The following TMEM19 variants were observed in gnomAD, a reference collection of about 807,000 sequenced individuals.
TMEM19 encodes transmembrane protein 19.
In TMEM19, 21 loss-of-function variants were observed where a neutral mutation model predicts 33.6. That is an observed-to-expected ratio of 0.62 (90% confidence interval 0.44 to 0.90). The LOEUF is 0.90. TMEM19 is among the 40% of genes least tolerant of loss of function. TMEM19 has a pLI of 0.00. For synonymous variants in TMEM19, 149 were observed against 147.5 expected, an observed-to-expected ratio of 1.01 and a Z score of -0.07; for missense variants, 402 against 401.8, an observed-to-expected ratio of 1.00 and a Z score of 0.00.
At position 71,697,449 on chromosome 12, in the gene TMEM19, T is replaced by A. The variant is rs747544161; in HGVS notation, c.552T>A (p.Ala184=). ...TCTTGGCTGCACTGGCCTGCTCTGC[T>A]GGAGACACATGGGCTTCAGAAGTTG... is the stretch of plus-strand genomic sequence containing the variant. ...LSLLAALACS[A]GDTWASEVGP... The change falls in exon 4 of 6, where the codon GCT becomes GCA. Residue 184 remains alanine (A), a synonymous_variant. Transcript: ENST00000266673. 2 of 1,609,596 alleles carry A rather than the reference T, an allele frequency of 1.2e-6. No homozygotes were observed. The highest frequency in any genetic ancestry group is 2.2e-5 in the South Asian group (2 of 90,098).
At position 71,704,516 on chromosome 12, in the gene TMEM19, C is replaced by T. The variant is rs545025060; in HGVS notation, c.*3521C>T. 1.3e-5 allele frequency: 2 copies of T among 152,362 alleles called. No individual in the cohort carries two copies. Among genetic ancestry groups the T allele is most frequent in the South Asian group, 4.1e-4 (2 of 4,826 alleles). 9.4% of individuals were successfully genotyped at this position (152,362 alleles called of 1,614,324 possible). On this transcript the variant is annotated 3_prime_UTR_variant, in exon 6 of 6. Coordinates refer to ENST00000266673, the MANE Select transcript of TMEM19 (RefSeq NM_018279.4). Reference sequence around the variant, plus strand: ...AATGAGAATGATCTATACTAGCCACCAGATCTCAGGTGAATTGTGGTGTGC... The same window carrying T: ...AATGAGAATGATCTATACTAGCCACTAGATCTCAGGTGAATTGTGGTGTGC...
At position 71,696,476 on chromosome 12, in the gene TMEM19, CT is replaced by C; in HGVS notation, c.291del (p.Phe97LeufsTer5). On this transcript the variant is annotated frameshift_variant, in exon 3 of 6. Coordinates refer to ENST00000266673, the MANE Select transcript of TMEM19 (RefSeq NM_018279.4). LOFTEE classifies it high-confidence loss of function. ...GFILTIANFS[F>X]FTSLLMFFLS... ...TTATCCTAACCATTGCAAATTTCAGCTTTTTTACCTCTTTGCTGATGTTTTT... is the reference window on the plus strand; with the variant it reads ...TTATCCTAACCATTGCAAATTTCAGCTTTTTACCTCTTTGCTGATGTTTTT... 1 of 1,612,474 alleles carries C rather than the reference CT, an allele frequency of 6.2e-7. No homozygotes were observed. Among genetic ancestry groups the C allele is most frequent in the Non-Finnish European group, 8.5e-7 (1 of 1,179,190 alleles).
At chr12:71,690,157 T>C (rs372443131) in intron 2 of TMEM19, among the ~76,000 whole-genome samples, 3 of 152,166 alleles carry the variant, frequency 2.0e-5, no homozygotes, top group African/African-American at 7.2e-5. Flanking sequence ...TTCATTCTTT[T>C]AGCAATTTTT....
intron 1 of TMEM19, among the ~76,000 whole-genome samples, chr12:71,688,313 A>G (rs1305764075): frequency 3.3e-5 from 5 of 152,062 alleles, no homozygotes; most frequent in Non-Finnish European, 7.4e-5. Context: ...ATCTCAGCTC[A>G]CTGCAACCTC....
chr12:71,697,427 T>G lies in TMEM19; in HGVS notation c.530T>G (p.Leu177Trp). ...YSASWMCLSL[L>W]AALACSAGDT... ...GCTTCCTGGATGTGTTTGTCTCTCT[T>G]GGCTGCACTGGCCTGCTCTGCTGGA... The change falls in exon 4 of 6, where the codon TTG becomes TGG. Residue 177 changes from leucine (L) to tryptophan (W), a missense_variant. Leu to Trp is a moderately conservative substitution (Grantham distance 61). Transcript: ENST00000266673. 1 of 1,611,122 alleles carries G rather than the reference T, an allele frequency of 6.2e-7. No homozygotes were observed. The highest frequency in any genetic ancestry group is 1.3e-5 in the African/African-American group (1 of 74,782).
At chr12:71,700,298 T>A (rs909584463) in intron 5 of TMEM19, among the ~76,000 whole-genome samples, 1 of 152,210 alleles carries the variant, frequency 6.6e-6, no homozygotes, top group South Asian at 2.1e-4. Context: ...TCTGATTGCA[T>A]TGAGTGGGTT....
Position 71,686,509 on chromosome 12 carries a change from T to TAGGAGTTTCCGGA in TMEM19, c.-163_-151dup, listed in dbSNP as rs1881691588. On this transcript the variant is annotated 5_prime_UTR_variant, in exon 1 of 6. An upstream open reading frame in the 5' UTR gains an earlier in-frame stop. Coordinates refer to ENST00000266673, the MANE Select transcript of TMEM19 (RefSeq NM_018279.4). ...CATATGAATTGGAGCTCTCCGCCAG[T>TAGGAGTTTCCGGA]AGGAGTTTCCGGAAGGAGTTTGAAT... The TAGGAGTTTCCGGA allele has an allele frequency of 3.1e-6, 2 of 637,840 alleles. No homozygotes were observed. 39.5% of individuals were successfully genotyped at this position (637,840 alleles called of 1,614,324 possible). A position where few individuals can be genotyped will look rare whatever the true frequency, so the allele number is the denominator to read the frequency against.
intron 1 of TMEM19, among the ~76,000 whole-genome samples, chr12:71,688,624 A>G (rs1024684951): frequency 1.3e-4 from 20 of 152,172 alleles, no homozygotes; most frequent in East Asian, 7.7e-4. Flanking sequence ...TTAGGAGCCT[A>G]TCAGGAGGGG....
rs767935395 is a variant in TMEM19, at chr12:71,699,087, A to C, written c.825A>C (p.Leu275Phe). The change falls in exon 5 of 6, where the codon TTA becomes TTC. Residue 275 changes from leucine (L) to phenylalanine (F), a missense_variant. Coordinates refer to ENST00000266673, the MANE Select transcript of TMEM19 (RefSeq NM_018279.4). Reference protein sequence around the residue: ...GLLGSIVDSYLGATMQYTGLD... With the variant: ...GLLGSIVDSYFGATMQYTGLD... ...TAGGATCAATTGTGGACTCATACTT[A>C]GGGGCTACAATGCAGTATACTGGTA... 9.3e-6 allele frequency: 15 copies of C among 1,614,070 alleles called. No homozygotes were observed. The African/African-American group carries it at 2.0e-4, about 22-fold the overall frequency.
At chr12:71,699,888 A>G (rs550786575) in intron 5 of TMEM19, 1 of 152,316 alleles carries the variant, frequency 6.6e-6, no homozygotes, top group East Asian at 1.9e-4. Flanking sequence ...AGTGGTAGAT[A>G]TTTTTCTCAA....
At position 71,701,167 on chromosome 12, in the gene TMEM19, G is replaced by A. The variant is rs1881972076; in HGVS notation, c.*172G>A. The stretch of plus-strand genomic sequence containing the variant: ...CTCATCAACTCCCCTGTAATAGCTA[G>A]CGTCTTTCTAGTGAAAGAGAAGAAT... On this transcript the variant is annotated 3_prime_UTR_variant, in exon 6 of 6. Coordinates refer to ENST00000266673, the MANE Select transcript of TMEM19 (RefSeq NM_018279.4). 2 of 559,864 alleles carry A rather than the reference G, an allele frequency of 3.6e-6. No homozygotes were observed. The highest frequency in any genetic ancestry group is 5.8e-6 in the Non-Finnish European group (2 of 344,188). 34.7% of individuals were successfully genotyped at this position (559,864 alleles called of 1,614,324 possible).
At chr12:71,696,291 C>T (rs1881869097) in intron 2 of TMEM19, 145 bp from the exon 3 acceptor site, 2 of 654,416 alleles carry the variant, frequency 3.1e-6, no homozygotes, top group African/African-American at 3.7e-5. Flanking sequence ...TTACTGCTTG[C>T]TAAGAATTTA....
chr12:71,686,630 C>T lies in TMEM19; in HGVS notation c.-51C>T, dbSNP rs1011085068. 2 of 1,600,166 alleles carry T rather than the reference C, an allele frequency of 1.2e-6. No individual in the cohort carries two copies. Among genetic ancestry groups the T allele is most frequent in the Non-Finnish European group, 1.7e-6 (2 of 1,175,004 alleles). ...TTGCTCACATCGTAAATGACTTTCTCTCCGAAACGCTAAATATTCTTTCCC... is the reference window on the plus strand; with the variant it reads ...TTGCTCACATCGTAAATGACTTTCTTTCCGAAACGCTAAATATTCTTTCCC... On this transcript the variant is annotated 5_prime_UTR_variant, in exon 1 of 6. Coordinates refer to ENST00000266673, the MANE Select transcript of TMEM19 (RefSeq NM_018279.4).
chr12:71,698,532 G>T (rs940013987), intron 4 of TMEM19, among the ~76,000 whole-genome samples: 5 of 151,882 alleles, frequency 3.3e-5, no homozygotes, highest in African/African-American at 9.7e-5. Flanking sequence ...TGAGCCTGGA[G>T]TTGGAGGCTG....
At position 71,700,942 on chromosome 12, in the gene TMEM19, C is replaced by T. The variant is rs899467659; in HGVS notation, c.958C>T (p.Leu320Phe). 1 of 1,613,360 alleles carries T rather than the reference C, an allele frequency of 6.2e-7. No homozygotes were observed. Among genetic ancestry groups the T allele is most frequent in the African/African-American group, 1.3e-5 (1 of 74,896 alleles). ...CGCAGTGAATCTGTTTTCTTCTGTT[C>T]TTATTGCCCTCTTGCTCCCAACTGC... is the stretch of plus-strand genomic sequence containing the variant. ...NNAVNLFSSVLIALLLPTAAW... is the reference protein window; with the variant it reads ...NNAVNLFSSVFIALLLPTAAW... Residue 320 changes from leucine to phenylalanine, a missense_variant, in exon 6 of 6, where the codon CTT becomes TTT. By Grantham distance (22) the Leu-to-Phe change is conservative. Coordinates refer to ENST00000266673, the MANE Select transcript of TMEM19 (RefSeq NM_018279.4).
rs376911455 is a variant in TMEM19, at chr12:71,691,958, T to G, written c.244+2254T>G. 6.6e-5 allele frequency among the ~76,000 whole-genome samples: 10 copies of G among 152,292 alleles called. No homozygotes were observed. The South Asian group carries it at 1.0e-3, about 16-fold the overall frequency. ...ACATCTGCTCCTCTCCTATGTTGAT[T>G]AGAATTAAAAGATATGAAACCTAAC... On this transcript the variant is annotated intron_variant, in intron 2 of 5. Transcript: ENST00000266673.
intron 1 of TMEM19, 91 bp from the exon 2 acceptor site, chr12:71,689,500 T>G (rs1881748355): frequency 1.6e-5 from 14 of 897,144 alleles, no homozygotes; most frequent in Non-Finnish European, 2.6e-5. Context: ...TATGACAGTA[T>G]TTTAGTCTAA....
intron 1 of TMEM19, 136 bp downstream of exon 1, chr12:71,686,946 T>A: frequency 1.3e-6 from 1 of 784,082 alleles, no homozygotes; most frequent in Non-Finnish European, 1.9e-6. Flanking sequence ...ATAGCCTGAT[T>A]TAACTTACTA....
At chr12:71,690,614 AATG>A (rs1881769061) in intron 2 of TMEM19, among the ~76,000 whole-genome samples, 1 of 152,226 alleles carries the variant, frequency 6.6e-6, no homozygotes, top group Non-Finnish European at 1.5e-5. Flanking sequence ...CTGTTCAGGT[AATG>A]ATGAAGTTTA....
Sources: gnomAD v4.1 joint callset for allele counts (sites outside exome capture counted in the v4.1 genomes callset) on GRCh38, gnomAD v4.1.1 for gene constraint, MANE v1.5 for transcripts, NCBI Gene and HGNC (gene_info 2026-07-23, HGNC 2026-07-21) for gene names.